MED30: variants seen among roughly 807,000 people sequenced by gnomAD.
MED30 encodes mediator complex subunit 30, also known as mediator of RNA polymerase II transcription subunit 30.
In MED30, 8 loss-of-function variants were observed where a neutral mutation model predicts 21.7. The observed-to-expected ratio is 0.37, with a 90% confidence interval of 0.22 to 0.67. The LOEUF is 0.67. Among genes scored for constraint, MED30 ranks in the 30% least tolerant of loss-of-function variants. MED30 has a pLI of 0.58. For missense variants in MED30, 203 were observed against 228.2 expected (o/e 0.89, Z 0.71); for synonymous variants, 79 against 86.7 (o/e 0.91, Z 0.49).
rs1330638813 is a variant in MED30, at chr8:117,521,019, C to T, written c.143C>T (p.Thr48Ile). ...ACAGTGCAGGACATCGTGTACCGCA[C>T]CATGGAGATCTTCCAGCTCCTGAGG... ...QETVQDIVYRTMEIFQLLRNM... is the reference protein window; with the variant it reads ...QETVQDIVYRIMEIFQLLRNM... The change falls in exon 1 of 4, where the codon ACC (threonine) becomes ATC (isoleucine). Residue 48 changes from threonine to isoleucine, a missense_variant. Transcript: ENST00000297347. 1.9e-6 allele frequency: 3 copies of T among 1,596,286 alleles called. No homozygotes were observed. Among genetic ancestry groups the T allele is most frequent in the Non-Finnish European group, 2.6e-6 (3 of 1,168,978 alleles).
chr8:117,530,189 A>G (rs1015294386), intron 2 of MED30, among the ~76,000 whole-genome samples: 4 of 152,026 alleles, frequency 2.6e-5, no homozygotes, highest in Non-Finnish European at 5.9e-5. Flanking sequence ...GCGAAAACTT[A>G]AGACATCTAG....
At chr8:117,528,988 T>G in intron 2 of MED30, 179 bp downstream of exon 2, 1 of 382,128 alleles carries the variant, frequency 2.6e-6, no homozygotes, top group Non-Finnish European at 4.6e-6. Flanking sequence ...ACTACTATAT[T>G]TTTACATTAA....
At chr8:117,539,832 C>G in intron 3 of MED30, 51 bp from the exon 4 acceptor site, 1 of 1,062,050 alleles carries the variant, frequency 9.4e-7, no homozygotes, top group South Asian at 1.3e-5. Context: ...CTTCTAACTT[C>G]ATGGTCTATA....
chr8:117,528,510 A>G (rs1818751634), intron 1 of MED30, 141 bp from the exon 2 acceptor site: 1 of 574,298 alleles, frequency 1.7e-6, no homozygotes, highest in Non-Finnish European at 2.8e-6. Flanking sequence ...AAATTCTTAA[A>G]ATTAAACTTG....
chr8:117,527,767 G>A lies in MED30; in HGVS notation c.178-884G>A, dbSNP rs185323511. ...TGAATTCCTACAAATGAAAATGCCCGAATACTAGAAAACGTGGTACTGTGT... is the reference window on the plus strand; with the variant it reads ...TGAATTCCTACAAATGAAAATGCCCAAATACTAGAAAACGTGGTACTGTGT... On this transcript the variant is annotated intron_variant, in intron 1 of 3. Coordinates refer to ENST00000297347, the MANE Select transcript of MED30 (RefSeq NM_080651.4). Among the ~76,000 whole-genome samples, 26 of 151,204 alleles carry A rather than the reference G, an allele frequency of 1.7e-4. No homozygotes were observed. The East Asian group carries it at 4.9e-3, about 28-fold the overall frequency.
chr8:117,523,584 C>T, intron 1 of MED30: 1 of 1,602,262 alleles, frequency 6.2e-7, no homozygotes, highest in Non-Finnish European at 8.5e-7. Context: ...CAAACTGTTC[C>T]TTCACGTAGC....
At chr8:117,522,428 C>T (rs1449319793) in intron 1 of MED30, among the ~76,000 whole-genome samples, 1 of 152,130 alleles carries the variant, frequency 6.6e-6, no homozygotes, top group African/African-American at 2.4e-5. Flanking sequence ...TGTTCCAGCA[C>T]CATTTTGCTG....
Position 117,528,799 on chromosome 8 carries a change from T to A in MED30, c.326T>A (p.Ile109Asn). ...GAAAACTGTGGTGGGATGGATCCCATTCCAGTCGAGGTAATTTTTTGTGAT... is the reference window on the plus strand; with the variant it reads ...GAAAACTGTGGTGGGATGGATCCCAATCCAGTCGAGGTAATTTTTTGTGAT... ...CNENCGGMDP[I>N]PVEQLIPYVE... Residue 109 changes from isoleucine (I) to asparagine (N), a missense_variant, in exon 2 of 4, where the codon ATT (isoleucine) becomes AAT (asparagine). By Grantham distance (149) the Ile-to-Asn change is moderately radical (BLOSUM62 -3). Transcript: ENST00000297347. The A allele has an allele frequency of 6.3e-7, 1 of 1,599,114 alleles. No homozygotes were observed. Among genetic ancestry groups the A allele is most frequent in the South Asian group, 1.1e-5 (1 of 88,680 alleles).
At chr8:117,536,640 G>T (rs1047707003) in intron 3 of MED30, among the ~76,000 whole-genome samples, 4 of 152,182 alleles carry the variant, frequency 2.6e-5, no homozygotes, top group African/African-American at 9.7e-5. Context: ...CACATGATTT[G>T]TAGTCAGTAT....
chr8:117,540,184 G>T lies in MED30; in HGVS notation c.*206G>T. On this transcript the variant is annotated 3_prime_UTR_variant, in exon 4 of 4. Coordinates refer to ENST00000297347, the MANE Select transcript of MED30 (RefSeq NM_080651.4). ...AGATTATTGTAATAAACTTTGATGGGGTTTGTATTTTGGTTAATCTTCATG... is the reference window on the plus strand; with the variant it reads ...AGATTATTGTAATAAACTTTGATGGTGTTTGTATTTTGGTTAATCTTCATG... The T allele has an allele frequency of 9.4e-6, 3 of 320,420 alleles. No individual in the cohort carries two copies. The highest frequency in any genetic ancestry group is 1.1e-5 in the Non-Finnish European group (2 of 179,072). The allele number at this position is 320,420 out of a possible 1,614,324, so 19.8% of individuals were successfully genotyped here.
In MED30 at chr8:117,520,971, C is replaced by T. The variant is rs1477868860; in HGVS notation, c.95C>T (p.Ser32Leu). ...QQAAREVNTA[S>L]LCRIGQETVQ... is the part of the protein sequence containing the mutation. ...GCCGCCCGGGAAGTCAACACGGCGT[C>T]GCTGTGCCGCATCGGGCAGGAGACA... The change falls in exon 1 of 4, where the codon TCG becomes TTG. Residue 32 changes from serine to leucine, a missense_variant. Ser to Leu is a moderately radical substitution (Grantham distance 145). Coordinates refer to ENST00000297347, the MANE Select transcript of MED30 (RefSeq NM_080651.4). 1 of 1,613,046 alleles carries T rather than the reference C, an allele frequency of 6.2e-7. No homozygotes were observed. The highest frequency in any genetic ancestry group is 8.5e-7 in the Non-Finnish European group (1 of 1,179,500).
chr8:117,530,733 C>G lies in MED30; in HGVS notation c.347C>G (p.Pro116Arg). ...GTTAATCATTCCCAGCAACTTATTC[C>G]ATATGTGGAAGAAGATGGCTCAAAG... ...MDPIPVEQLI[P>R]YVEEDGSKND... is the part of the protein sequence containing the mutation. Residue 116 changes from proline to arginine, a missense_variant, in exon 3 of 4, where the codon CCA becomes CGA. Pro to Arg is a moderately radical substitution (Grantham distance 103). Transcript: ENST00000297347. 1 of 1,608,226 alleles carries G rather than the reference C, an allele frequency of 6.2e-7. No homozygotes were observed. The highest frequency in any genetic ancestry group is 8.5e-7 in the Non-Finnish European group (1 of 1,176,842).
intron 3 of MED30, among the ~76,000 whole-genome samples, chr8:117,532,699 TATAAA>T (rs1818808233): frequency 6.6e-6 from 1 of 152,096 alleles, no homozygotes; most frequent in South Asian, 2.1e-4. Context: ...GGATAGATTT[TATAAA>T]ATAAAATTTT....
At chr8:117,533,802 T>C (rs1288832707) in intron 3 of MED30, among the ~76,000 whole-genome samples, 2 of 152,170 alleles carry the variant, frequency 1.3e-5, no homozygotes, top group African/African-American at 4.8e-5. Flanking sequence ...GCTTTTCAGC[T>C]CTGGGGCTTT....
intron 3 of MED30, among the ~76,000 whole-genome samples, chr8:117,537,874 C>T (rs1304549297): frequency 6.6e-6 from 1 of 151,830 alleles, no homozygotes; most frequent in Admixed American, 6.6e-5. Flanking sequence ...TTTTATAATC[C>T]AATTACATAA....
At chr8:117,536,939 T>C (rs1818887658) in intron 3 of MED30, among the ~76,000 whole-genome samples, 1 of 152,178 alleles carries the variant, frequency 6.6e-6, no homozygotes, top group Admixed American at 6.5e-5. Flanking sequence ...GAAAAACATC[T>C]CATAATGTTT....
At chr8:117,537,100 T>C (rs543395817) in intron 3 of MED30, among the ~76,000 whole-genome samples, 1 of 152,326 alleles carries the variant, frequency 6.6e-6, no homozygotes, top group East Asian at 1.9e-4. Context: ...AAAATGAAAT[T>C]GAAAAAGATA....
chr8:117,531,688 AGT>A (rs1409851638), intron 3 of MED30, among the ~76,000 whole-genome samples: 2 of 152,156 alleles, frequency 1.3e-5, no homozygotes, highest in South Asian at 2.1e-4. Context: ...TTAGCAAGAC[AGT>A]GTGTTTTTTT....
intron 3 of MED30, among the ~76,000 whole-genome samples, chr8:117,535,532 C>T (rs1357397971): frequency 1.3e-5 from 2 of 151,536 alleles, no homozygotes; most frequent in South Asian, 2.1e-4. Flanking sequence ...CCAGCCGATA[C>T]ATCTTTTTTT....
Sources: allele counts gnomAD v4.1 joint callset (sites outside exome capture counted in the v4.1 genomes callset), GRCh38; gene constraint gnomAD v4.1.1; transcripts MANE v1.5; gene names NCBI Gene and HGNC (gene_info 2026-07-23, HGNC 2026-07-21).